ITGA11: variants seen among roughly 807,000 people sequenced by gnomAD.
ITGA11 encodes the protein integrin alpha-11.
A neutral mutation model predicts 141.9 loss-of-function variants in ITGA11; 97 were observed. That is an observed-to-expected ratio of 0.68 (90% CI 0.58 to 0.81). ITGA11 has a LOEUF of 0.81. Among genes scored for constraint, ITGA11 ranks in the 30% least tolerant of loss-of-function variants. ITGA11 has a pLI of 0.00. For missense variants in ITGA11, 1,387 were observed against 1,559.2 expected (o/e 0.89, Z 1.86); for synonymous variants, 658 against 624.6 (o/e 1.05, Z -0.80).
At chr15:68,388,086 C>A (rs749267516) in intron 2 of ITGA11, among the ~76,000 whole-genome samples, 2 of 152,196 alleles carry the variant, frequency 1.3e-5, no homozygotes, top group Non-Finnish European at 2.9e-5. Flanking sequence ...CTCACCTGAA[C>A]TTCCAAAGCC....
At chr15:68,427,226 A>G (rs1236427779) in intron 1 of ITGA11, among the ~76,000 whole-genome samples, 2 of 152,212 alleles carry the variant, frequency 1.3e-5, no homozygotes, top group African/African-American at 4.8e-5. Flanking sequence ...CCTGACATCA[A>G]TCAAATATTA....
chr15:68,363,915 C>T (rs1439266945), intron 4 of ITGA11, among the ~76,000 whole-genome samples: 1 of 152,168 alleles, frequency 6.6e-6, no homozygotes, highest in African/African-American at 2.4e-5. Context: ...TGTCTGTCCC[C>T]CAAAGTCCTA....
rs2140298329 is a variant in ITGA11, at chr15:68,328,018, G to T, written c.2068+78C>A. ...GCACTTAGCACCCATTTTGGGAAAA[G>T]CCCAGGCTTTGAAATAGAGCAAGGT... On this transcript the variant is annotated intron_variant, in intron 16 of 29. Coordinates refer to ENST00000315757, the MANE Select transcript of ITGA11 (RefSeq NM_001004439.2). This position sits in a 1 kb window ranked among gnomAD's most constrained non-coding sequence, Gnocchi z 4.8. 2.1e-6 allele frequency: 3 copies of T among 1,433,060 alleles called. No homozygotes were observed. The highest frequency in any genetic ancestry group is 2.8e-6 in the Non-Finnish European group (3 of 1,063,870). 88.8% of individuals were successfully genotyped at this position (1,433,060 alleles called of 1,614,324 possible). A position where few individuals can be genotyped will look rare whatever the true frequency, so the allele number is the denominator to read the frequency against.
intron 28 of ITGA11, among the ~76,000 whole-genome samples, chr15:68,306,530 G>T (rs1318412478): frequency 1.3e-5 from 2 of 152,198 alleles, no homozygotes; most frequent in Non-Finnish European, 2.9e-5. Context: ...TATTGTCACT[G>T]TTTCCCTGTC....
intron 2 of ITGA11, among the ~76,000 whole-genome samples, chr15:68,373,825 T>C (rs1249310879): frequency 1.3e-5 from 2 of 152,172 alleles, no homozygotes; most frequent in Non-Finnish European, 2.9e-5. Flanking sequence ...TATGAGCTGA[T>C]GCATTGACAG....
chr15:68,391,637 G>A (rs1896124750), intron 2 of ITGA11, among the ~76,000 whole-genome samples: 1 of 152,204 alleles, frequency 6.6e-6, no homozygotes, highest in Non-Finnish European at 1.5e-5. Context: ...AAAGGCTTGG[G>A]GAGGGTAAGG....
At chr15:68,400,592 T>A (rs1896447153) in intron 2 of ITGA11, among the ~76,000 whole-genome samples, 1 of 104,730 alleles carries the variant, frequency 9.5e-6, no homozygotes, top group Non-Finnish European at 1.8e-5. Flanking sequence ...ATATTTTATA[T>A]ATTATATATT....
chr15:68,321,439 C>T lies in ITGA11; in HGVS notation c.2387G>A (p.Arg796Gln), dbSNP rs748013291. ...HCVPDLVLDA[R>Q]SDLPTAMEYC... is the part of the protein sequence containing the mutation. ...TCACATGGCCGTGGGCAGGTCACTC[C>T]GGGCATCCAACACAAGGTCAGGGAC... Residue 796 changes from arginine to glutamine, a missense_variant, in exon 19 of 30, where the codon CGG becomes CAG. Transcript: ENST00000315757. The surrounding 1 kb of genome is among the most constrained non-coding windows in gnomAD (Gnocchi z 4.9). The T allele has an allele frequency of 4.8e-5, 77 of 1,591,110 alleles. No individual in the cohort carries two copies. Among genetic ancestry groups the T allele is most frequent in the East Asian group, 7.0e-5 (3 of 42,784 alleles).
At chr15:68,423,705 G>A (rs1262346784) in intron 1 of ITGA11, among the ~76,000 whole-genome samples, 8 of 152,210 alleles carry the variant, frequency 5.3e-5, no homozygotes, top group African/African-American at 1.9e-4. Context: ...GAAAGCTCTG[G>A]ATGAATGGGG....
chr15:68,423,515 G>A (rs923187926), intron 1 of ITGA11, among the ~76,000 whole-genome samples: 29 of 152,172 alleles, frequency 1.9e-4, no homozygotes, highest in Non-Finnish European at 5.9e-5. Context: ...GTGCCCAAAC[G>A]TATGGCTCTG....
intron 7 of ITGA11, among the ~76,000 whole-genome samples, chr15:68,353,404 T>C (rs11632656): frequency 0.019 from 2,913 of 152,218 alleles, 48 homozygotes; most frequent in South Asian, 0.034. Context: ...GCAGGAGAAC[T>C]CTGCTATTCT....
At position 68,307,460 on chromosome 15, in the gene ITGA11, C is replaced by T. The variant is rs1381183396; in HGVS notation, c.3286-17G>A. On this transcript the variant is annotated splice_polypyrimidine_tract_variant and intron_variant, in intron 27 of 29. Transcript: ENST00000315757. This position sits in a 1 kb window ranked among gnomAD's most constrained non-coding sequence, Gnocchi z 6.1. ...GTACTTGAGCTGTGCAATCAGAGGG[C>T]TCGTCAGAAGCTGGCTTGGAAGCTT... The T allele has an allele frequency of 2.6e-6, 4 of 1,551,324 alleles. No homozygotes were observed. In the Admixed American group the frequency reaches 7.8e-5, roughly 30 times the overall value.
chr15:68,332,397 G>A lies in ITGA11; in HGVS notation c.1507C>T (p.Pro503Ser). The A allele has an allele frequency of 6.2e-7, 1 of 1,610,584 alleles. No homozygotes were observed. Among genetic ancestry groups the A allele is most frequent in the Non-Finnish European group, 8.5e-7 (1 of 1,178,672 alleles). The change falls in exon 13 of 30, where the codon CCC becomes TCC. Residue 503 changes from proline to serine, a missense_variant. Pro to Ser is a moderately conservative substitution (Grantham distance 74). Coordinates refer to ENST00000315757, the MANE Select transcript of ITGA11 (RefSeq NM_001004439.2). Reference protein sequence around the residue: ...GVTDVLLVGAPMYFNEGRERG... With the variant: ...GVTDVLLVGASMYFNEGRERG... ...TCACGGCCCTCGTTGAAGTACATGG[G>A]TGCGCCCACCAGCAGGACATCAGTC...
intron 7 of ITGA11, among the ~76,000 whole-genome samples, chr15:68,356,726 G>A (rs1253570325): frequency 1.3e-5 from 2 of 152,156 alleles, no homozygotes; most frequent in African/African-American, 2.4e-5. Context: ...GTCATATTCT[G>A]GGACTTCGAG....
At chr15:68,339,760 T>G in intron 10 of ITGA11, 116 bp from the exon 11 acceptor site, 1 of 1,181,304 alleles carries the variant, frequency 8.5e-7, no homozygotes, top group Non-Finnish European at 1.2e-6. Context: ...CACCTTCTCC[T>G]GGGTGCATTA....
Position 68,304,006 on chromosome 15 carries a change from A to AG in ITGA11, c.3382-122dup. ...GTGGGGGAGCTGCATCCTCTTCCTCAGGGGGATACCAGAGGGATGGGTGGA... is the reference window on the plus strand; with the variant it reads ...GTGGGGGAGCTGCATCCTCTTCCTCAGGGGGGATACCAGAGGGATGGGTGGA... On this transcript the variant is annotated intron_variant, in intron 28 of 29. Transcript: ENST00000315757. The surrounding 1 kb of genome is among the most constrained non-coding windows in gnomAD (Gnocchi z 6.1). 1.6e-6 allele frequency: 1 copy of AG among 625,104 alleles called. No individual in the cohort carries two copies. The highest frequency in any genetic ancestry group is 2.9e-6 in the Non-Finnish European group (1 of 346,946). 38.7% of individuals were successfully genotyped at this position (625,104 alleles called of 1,614,324 possible).
chr15:68,331,912 C>T lies in ITGA11; in HGVS notation c.1717G>A (p.Ala573Thr), dbSNP rs759756859. Residue 573 changes from alanine (A) to threonine (T), a missense_variant, in exon 14 of 30, where the codon GCC (alanine) becomes ACC (threonine). By Grantham distance (58) the Ala-to-Thr change is moderately conservative (BLOSUM62 0). Coordinates refer to ENST00000315757, the MANE Select transcript of ITGA11 (RefSeq NM_001004439.2). ...CGGAAGCCGTGGAAGATGTAGATGGCTCCTGCGTGGTTGTCCTCCAGGGGG... is the reference window on the plus strand; with the variant it reads ...CGGAAGCCGTGGAAGATGTAGATGGTTCCTGCGTGGTTGTCCTCCAGGGGG... Reference protein sequence around the residue: ...GAPLEDNHAGAIYIFHGFRGS... With the variant: ...GAPLEDNHAGTIYIFHGFRGS... 6.2e-7 allele frequency: 1 copy of T among 1,613,438 alleles called. No homozygotes were observed. The highest frequency in any genetic ancestry group is 8.5e-7 in the Non-Finnish European group (1 of 1,179,752).
At chr15:68,345,763 C>T (rs28469639) in intron 10 of ITGA11, among the ~76,000 whole-genome samples, 45,750 of 151,968 alleles carry the variant, frequency 0.3, 7,251 homozygotes, top group East Asian at 0.44. Context: ...AAAGGCTGGA[C>T]CCAATAGCCC....
rs1895247226 is a variant in ITGA11 at position 68,361,651 on chromosome 15, C to T, written c.411G>A (p.Gly137=). 2 of 1,610,772 alleles carry T rather than the reference C, an allele frequency of 1.2e-6. No individual in the cohort carries two copies. Among genetic ancestry groups the T allele is most frequent in the South Asian group, 2.2e-5 (2 of 90,082 alleles). ...AGTTGGAGTTGACTCTTGAACACAT[C>T]CCTGTGGTGTAGTAGGAGCTCCCAC... ...HECGSSYYTT[G]MCSRVNSNFR... is the part of the protein sequence containing the mutation. The change falls in exon 5 of 30, where the codon GGG becomes GGA. Residue 137 remains glycine (G), a synonymous_variant. Transcript: ENST00000315757.
Sources: allele counts gnomAD v4.1 joint callset (sites outside exome capture counted in the v4.1 genomes callset), GRCh38; gene constraint gnomAD v4.1.1; non-coding constraint Gnocchi (gnomAD v3.1); transcripts MANE v1.5; gene names NCBI Gene and HGNC (gene_info 2026-07-23, HGNC 2026-07-21).